The following UNC13C variants were observed in gnomAD, a reference collection of about 807,000 sequenced individuals.
The protein encoded by UNC13C is unc-13 homolog C.
A neutral mutation model predicts 245.4 loss-of-function variants in UNC13C; 174 were observed. The ratio of observed to expected loss-of-function variants is 0.71; its 90% CI spans 0.63 to 0.80. The LOEUF (loss-of-function observed/expected upper bound fraction) is 0.80. UNC13C is among the 30% of genes least tolerant of loss of function. The pLI, the probability that UNC13C is intolerant of heterozygous loss-of-function variation, is 0.00. For missense variants in UNC13C, 2,829 were observed against 2,602.9 expected, an observed-to-expected ratio of 1.09 and a Z score of -1.89; for synonymous variants, 992 against 895.1, an observed-to-expected ratio of 1.11 and a Z score of -1.93.
chr15:54,312,627 G>A (rs978317239), intron 13 of UNC13C, among the ~76,000 whole-genome samples: 5 of 151,750 alleles, frequency 3.3e-5, no homozygotes, highest in Non-Finnish European at 7.4e-5. Context: ...TGTACAGGCA[G>A]TATTAGAATC....
At chr15:54,490,894 C>T (rs141643964) in intron 19 of UNC13C, among the ~76,000 whole-genome samples, 106 of 152,206 alleles carry the variant, frequency 7.0e-4, no homozygotes, top group African/African-American at 2.2e-3. Context: ...ATACCACTAT[C>T]GGCAGATCAT....
chr15:54,079,407 T>C (rs1898816181), intron 2 of UNC13C, among the ~76,000 whole-genome samples: 2 of 152,062 alleles, frequency 1.3e-5, no homozygotes, highest in Admixed American at 1.3e-4. Flanking sequence ...ATGGACAGTA[T>C]AGTCATTTTA....
At chr15:54,333,639 C>A (rs1314463901) in intron 15 of UNC13C, 128 bp from the exon 16 acceptor site, 11 of 578,684 alleles carry the variant, frequency 1.9e-5, no homozygotes, top group Admixed American at 3.0e-5. Flanking sequence ...TTAAGAATAC[C>A]TTGAGTATTT....
the UNC13C span, among the ~76,000 whole-genome samples, chr15:53,870,854 C>T: frequency 6.6e-6 from 1 of 152,282 alleles, no homozygotes; most frequent in Admixed American, 6.5e-5. Context: ...CCTAAAACAG[C>T]ACACCATACT....
rs60034401 is a variant in UNC13C, at chr15:54,475,281, T to TTTATTA, written c.4934-19289_4934-19284dup. Among the ~76,000 whole-genome samples, 89 of 105,016 alleles carry TTTATTA rather than the reference T, an allele frequency of 8.5e-4. 1 individual carries two copies. The highest frequency in any genetic ancestry group is 1.7e-3 in the African/African-American group (43 of 25,738). 68.9% of individuals were successfully genotyped at this position (105,016 alleles called of 152,430 possible). A position where few individuals can be genotyped will look rare whatever the true frequency, so the allele number is the denominator to read the frequency against. Reference sequence around the variant, plus strand: ...ATAGTGAGAGGGGTATGGTTTTTTGTTTATTATTATTATTATTATTATTAT... The same window carrying TTTATTA: ...ATAGTGAGAGGGGTATGGTTTTTTGTTTATTATTATTATTATTATTATTATTATTAT... On this transcript the variant is annotated intron_variant, in intron 19 of 32. Transcript: ENST00000260323.
chr15:54,449,025 C>A (rs148509060), intron 19 of UNC13C, among the ~76,000 whole-genome samples: 4,279 of 152,208 alleles, frequency 0.028, 176 homozygotes, highest in Admixed American at 0.12. Context: ...ATTTCTCCTT[C>A]ATTTATGAAG....
intron 10 of UNC13C, among the ~76,000 whole-genome samples, chr15:54,273,616 G>A (rs372946132): frequency 6.6e-6 from 1 of 152,174 alleles, no homozygotes; most frequent in Non-Finnish European, 1.5e-5. Context: ...ACTATCACTT[G>A]TATGTTTCAT....
chr15:53,982,493 G>C (rs971889880), intron 1 of UNC13C, among the ~76,000 whole-genome samples: 1 of 152,098 alleles, frequency 6.6e-6, no homozygotes, highest in Non-Finnish European at 1.5e-5. Context: ...CTGAAAGGGG[G>C]CACTGATGAT....
At chr15:54,569,412 ATGAT>A (rs1191148327) in intron 30 of UNC13C, among the ~76,000 whole-genome samples, 3 of 152,306 alleles carry the variant, frequency 2.0e-5, no homozygotes, top group East Asian at 3.9e-4. Context: ...AAAAATGTAA[ATGAT>A]TGTTATATAG....
the UNC13C span, among the ~76,000 whole-genome samples, chr15:53,953,825 A>C: frequency 6.6e-6 from 1 of 152,224 alleles, no homozygotes; most frequent in East Asian, 1.9e-4. Flanking sequence ...ATAAGTTTCC[A>C]CATCACAAAA....
intron 2 of UNC13C, among the ~76,000 whole-genome samples, chr15:54,085,673 C>G (rs1286765732): frequency 1.3e-5 from 2 of 152,180 alleles, no homozygotes; most frequent in East Asian, 3.9e-4. Flanking sequence ...TCTCAAATCC[C>G]TGCCCTCAAG....
chr15:53,868,519 G>A, the UNC13C span, among the ~76,000 whole-genome samples: 2 of 152,192 alleles, frequency 1.3e-5, no homozygotes, highest in South Asian at 4.2e-4. Flanking sequence ...AAGGAGGCCC[G>A]GCCTATGCAG....
intron 30 of UNC13C, among the ~76,000 whole-genome samples, chr15:54,620,233 C>T (rs751539580): frequency 5.9e-5 from 9 of 152,078 alleles, no homozygotes; most frequent in African/African-American, 9.7e-5. Flanking sequence ...CTGCCCCTGA[C>T]GTCAATATAA....
At chr15:54,155,150 G>A (rs1308414398) in intron 4 of UNC13C, among the ~76,000 whole-genome samples, 1 of 152,106 alleles carries the variant, frequency 6.6e-6, no homozygotes, top group Non-Finnish European at 1.5e-5. Context: ...GATTCCTTGG[G>A]TCTTGTCTAC....
At chr15:54,471,387 G>A (rs1892454539) in intron 19 of UNC13C, among the ~76,000 whole-genome samples, 1 of 151,502 alleles carries the variant, frequency 6.6e-6, no homozygotes, top group African/African-American at 2.4e-5. Context: ...CTTCAAAGTT[G>A]GGTGTATAGA....
chr15:54,486,274 C>T (rs1172086177), intron 19 of UNC13C, among the ~76,000 whole-genome samples: 7 of 150,698 alleles, frequency 4.6e-5, no homozygotes, highest in Non-Finnish European at 1.0e-4. Flanking sequence ...CACACACACA[C>T]ACACACACAC....
chr15:54,106,819 G>A (rs1326553637), intron 2 of UNC13C, among the ~76,000 whole-genome samples: 1 of 152,210 alleles, frequency 6.6e-6, no homozygotes, highest in Non-Finnish European at 1.5e-5. Context: ...ACACTGAATT[G>A]AAGGTGGCAG....
intron 5 of UNC13C, 28 bp downstream of exon 5, chr15:54,235,136 G>C (rs572211418): frequency 3.1e-6 from 5 of 1,596,656 alleles, no homozygotes; most frequent in South Asian, 1.1e-5. Flanking sequence ...AATTCTCTTC[G>C]ATTGCATGTG....
intron 19 of UNC13C, among the ~76,000 whole-genome samples, chr15:54,453,016 G>A (rs918240006): frequency 6.6e-6 from 1 of 152,176 alleles, no homozygotes; most frequent in Non-Finnish European, 1.5e-5. Context: ...ATGCATTCTG[G>A]TGGTGGCTAG....
Sources: allele counts gnomAD v4.1 joint callset (sites outside exome capture counted in the v4.1 genomes callset), GRCh38; gene constraint gnomAD v4.1.1; transcripts MANE v1.5; gene names NCBI Gene and HGNC (gene_info 2026-07-23, HGNC 2026-07-21).